The following ZFPM2 variants were observed in gnomAD, a reference collection of about 807,000 sequenced individuals.
ZFPM2 encodes zinc finger protein ZFPM2.
In ZFPM2, 20 loss-of-function variants were observed where a neutral mutation model predicts 98.6. The observed-to-expected ratio is 0.20, with a 90% CI of 0.14 to 0.29. ZFPM2 has a LOEUF of 0.29. Among genes scored for constraint, ZFPM2 ranks in the 10% least tolerant of loss-of-function variants. The pLI is 1.00. For missense variants in ZFPM2, 1,310 were observed against 1,388.6 expected (o/e 0.94, Z 0.90); for synonymous variants, 518 against 502.7 (o/e 1.03, Z -0.41).
intron 3 of ZFPM2, among the ~76,000 whole-genome samples, chr8:105,552,791 A>G (rs557313163): frequency 5.4e-5 from 8 of 147,512 alleles, no homozygotes; most frequent in African/African-American, 1.7e-4. Flanking sequence ...TAGTTATTTC[A>G]TGGTGGGTTT....
intron 4 of ZFPM2, among the ~76,000 whole-genome samples, chr8:105,581,695 C>T (rs1815603499): frequency 6.6e-6 from 1 of 151,960 alleles, no homozygotes; most frequent in African/African-American, 2.4e-5. Context: ...TCATTCTACA[C>T]CTCCCTCTTC....
intron 2 of ZFPM2, among the ~76,000 whole-genome samples, chr8:105,429,898 AATGTATTAG>A (rs1811986752): frequency 6.6e-6 from 1 of 152,206 alleles, no homozygotes; most frequent in Non-Finnish European, 1.5e-5. Flanking sequence ...TTAATTGTCA[AATGTATTAG>A]ATGTATTCAT....
intron 1 of ZFPM2, among the ~76,000 whole-genome samples, chr8:105,362,134 T>C (rs1232007328): frequency 2.6e-5 from 4 of 152,100 alleles, no homozygotes; most frequent in Non-Finnish European, 4.4e-5. Flanking sequence ...AAGGATAATA[T>C]TTGTCTCTAT....
rs756938601 is a variant in ZFPM2, at chr8:105,419,134, C to G, written c.41-10C>G. ...TATTTTTGGTACAGTTTCCCTGATT[C>G]TTTTTCAAGGGCCGCTTGAAGATGC... On this transcript the variant is annotated splice_polypyrimidine_tract_variant and intron_variant, in intron 1 of 7. Coordinates refer to ENST00000407775, the MANE Select transcript of ZFPM2 (RefSeq NM_012082.4). 96 of 1,607,874 alleles carry G rather than the reference C, an allele frequency of 6.0e-5. 1 individual carries two copies. The South Asian group carries it at 1.1e-3, about 18-fold the overall frequency.
chr8:105,485,288 TG>T (rs1813208350), intron 3 of ZFPM2, among the ~76,000 whole-genome samples: 1 of 151,534 alleles, frequency 6.6e-6, no homozygotes, highest in African/African-American at 2.4e-5. Flanking sequence ...GGTTACTGCT[TG>T]TTTTTTTTTG....
intron 5 of ZFPM2, among the ~76,000 whole-genome samples, chr8:105,645,064 A>AT (rs535853589): frequency 4.4e-4 from 67 of 151,596 alleles, no homozygotes; most frequent in African/African-American, 8.2e-4. Flanking sequence ...AAGGACAGGG[A>AT]TTTTTTTTTC....
intron 1 of ZFPM2, among the ~76,000 whole-genome samples, chr8:105,376,695 A>T (rs542076982): frequency 1.3e-5 from 2 of 152,134 alleles, no homozygotes; most frequent in Non-Finnish European, 2.9e-5. Flanking sequence ...TCTCATATCC[A>T]ATCTATTATA....
At position 105,615,472 on chromosome 8, in the gene ZFPM2, C is replaced by T. The variant is rs188262742; in HGVS notation, c.421-18774C>T. ...AAATATAATGAGGGAGAATCCCAGTCGAAGAGTGTGCATAGGTGTATGTGT... is the reference window on the plus strand; with the variant it reads ...AAATATAATGAGGGAGAATCCCAGTTGAAGAGTGTGCATAGGTGTATGTGT... On this transcript the variant is annotated intron_variant, in intron 4 of 7. Transcript: ENST00000407775. Among the ~76,000 whole-genome samples, 520 of 152,194 alleles carry T rather than the reference C, an allele frequency of 3.4e-3. 3 individuals carry two copies. Among genetic ancestry groups the T allele is most frequent in the Non-Finnish European group, 5.8e-3 (396 of 68,006 alleles).
rs1554615908 is a variant in ZFPM2, at chr8:105,546,583, A to AACAC, written c.302-14777_302-14776insCACA. ...AGCTCAGTCTCAAAAAAAAAAAAAA[A>AACAC]ACAAACCCAAAAACCACTAAGATAA... is the stretch of plus-strand genomic sequence containing the variant. On this transcript the variant is annotated intron_variant, in intron 3 of 7. Transcript: ENST00000407775. Among the ~76,000 whole-genome samples the AACAC allele has an allele frequency of 5.7e-3, 847 of 149,828 alleles. 9 individuals carry two copies. Among genetic ancestry groups the AACAC allele is most frequent in the African/African-American group, 0.019 (776 of 39,978 alleles).
intron 5 of ZFPM2, among the ~76,000 whole-genome samples, chr8:105,761,874 C>T (rs1812740504): frequency 6.6e-6 from 1 of 151,766 alleles, no homozygotes; most frequent in African/African-American, 2.4e-5. Flanking sequence ...AGAGTAGAAA[C>T]TCAATATATT....
At chr8:105,320,731 A>T (rs957950210) in intron 1 of ZFPM2, among the ~76,000 whole-genome samples, 14 of 152,074 alleles carry the variant, frequency 9.2e-5, no homozygotes, top group Non-Finnish European at 1.8e-4. Context: ...AGCTACATTA[A>T]TTTTTTTATT....
chr8:105,725,387 C>T (rs1811783804), intron 5 of ZFPM2, among the ~76,000 whole-genome samples: 3 of 151,704 alleles, frequency 2.0e-5, no homozygotes, highest in Non-Finnish European at 2.9e-5. Flanking sequence ...GTTAGAATAA[C>T]GTATTTTTTC....
chr8:105,579,337 A>T (rs938478910), intron 4 of ZFPM2, among the ~76,000 whole-genome samples: 5 of 152,198 alleles, frequency 3.3e-5, no homozygotes, highest in African/African-American at 1.2e-4. Context: ...TAAGATTTTT[A>T]AAAAGAACTT....
intron 5 of ZFPM2, among the ~76,000 whole-genome samples, chr8:105,743,410 A>G (rs1326355138): frequency 6.6e-6 from 1 of 152,014 alleles, no homozygotes. Context: ...GGTCATAATA[A>G]GATTAGTTCT....
intron 3 of ZFPM2, among the ~76,000 whole-genome samples, chr8:105,519,192 A>T (rs1050119339): frequency 2.6e-5 from 4 of 152,154 alleles, no homozygotes; most frequent in Non-Finnish European, 4.4e-5. Flanking sequence ...TAAGTGGCCA[A>T]TCTGAGATTT....
chr8:105,462,627 G>A (rs1812723203), intron 3 of ZFPM2, among the ~76,000 whole-genome samples: 2 of 152,018 alleles, frequency 1.3e-5, no homozygotes, highest in Admixed American at 1.3e-4. Context: ...ATGCTTCATA[G>A]GGCTTTATAT....
intron 3 of ZFPM2, among the ~76,000 whole-genome samples, chr8:105,520,926 T>A (rs1233068381): frequency 6.6e-6 from 1 of 152,096 alleles, no homozygotes; most frequent in Non-Finnish European, 1.5e-5. Context: ...GACATCTGTC[T>A]ACAAGACACT....
intron 4 of ZFPM2, among the ~76,000 whole-genome samples, chr8:105,571,445 G>T (rs754340673): frequency 1.3e-5 from 2 of 152,218 alleles, no homozygotes; most frequent in Non-Finnish European, 2.9e-5. Context: ...TGGAGGGGAA[G>T]GTAGAAGTAA....
intron 3 of ZFPM2, among the ~76,000 whole-genome samples, chr8:105,488,609 C>A (rs1194914869): frequency 6.6e-6 from 1 of 151,778 alleles, no homozygotes; most frequent in Non-Finnish European, 1.5e-5. Context: ...AAAAACAATA[C>A]AAAAATTAGC....
Sources: allele counts gnomAD v4.1 joint callset (sites outside exome capture counted in the v4.1 genomes callset), GRCh38; gene constraint gnomAD v4.1.1; transcripts MANE v1.5; gene names NCBI Gene and HGNC (gene_info 2026-07-23, HGNC 2026-07-21).